Variants in NFU1 observed in about 807,000 individuals in gnomAD.
NFU1 encodes the protein NFU1 iron-sulfur cluster scaffold homolog, mitochondrial.
Under a neutral mutation model 32.2 loss-of-function variants are expected in NFU1, and 30 were observed. The observed-to-expected ratio is 0.93, with a 90% CI of 0.70 to 1.26. NFU1 has a LOEUF of 1.26. Among genes scored for constraint, NFU1 ranks in the 50% most tolerant of loss-of-function variants. The pLI, the probability that NFU1 is intolerant of heterozygous loss-of-function variation, is 0.00. For missense variants in NFU1, 306 were observed against 306.6 expected, an observed-to-expected ratio of 1.00 and a Z score of 0.02; for synonymous variants, 112 against 104.6, an observed-to-expected ratio of 1.07 and a Z score of -0.43.
intron 3 of NFU1, among the ~76,000 whole-genome samples, chr2:69,421,956 A>T (rs1474349792): frequency 6.6e-6 from 1 of 152,150 alleles, no homozygotes; most frequent in Non-Finnish European, 1.5e-5. Context: ...TACACATAGT[A>T]TTGAACCCTG....
intron 3 of NFU1, among the ~76,000 whole-genome samples, chr2:69,420,739 T>C (rs1240636206): frequency 6.6e-6 from 1 of 152,190 alleles, no homozygotes; most frequent in African/African-American, 2.4e-5. Flanking sequence ...TGTGGAATCA[T>C]GTATGTAGTG....
chr2:69,410,936 A>G (rs1672858823), intron 5 of NFU1: 1 of 152,214 alleles, frequency 6.6e-6, no homozygotes, highest in Non-Finnish European at 1.5e-5. Flanking sequence ...GCAGACTACC[A>G]GAAAGTTTTT....
intron 3 of NFU1, among the ~76,000 whole-genome samples, chr2:69,421,760 G>C (rs575790423): frequency 6.6e-6 from 1 of 151,584 alleles, no homozygotes; most frequent in Admixed American, 6.6e-5. Context: ...GTAGAGATGG[G>C]GTTTCACTGT....
At chr2:69,424,464 T>G (rs928180450) in intron 2 of NFU1, among the ~76,000 whole-genome samples, 4 of 151,622 alleles carry the variant, frequency 2.6e-5, no homozygotes, top group Non-Finnish European at 5.9e-5. Flanking sequence ...AATATTTGTA[T>G]TTTTTTGCAG....
intron 5 of NFU1, among the ~76,000 whole-genome samples, chr2:69,408,262 TG>T (rs1332089597): frequency 2.0e-5 from 3 of 152,200 alleles, no homozygotes; most frequent in Non-Finnish European, 4.4e-5. Context: ...TAATATATCT[TG>T]AAGGTCTTTC....
chr2:69,437,257 G>T, intron 1 of NFU1, 104 bp downstream of exon 1: 1 of 1,514,868 alleles, frequency 6.6e-7, no homozygotes. Context: ...GGCTCCATCA[G>T]ATGCACTACC....
downstream of NFU1, chr2:69,396,095 T>C (rs1486158313): frequency 1.2e-5 from 8 of 643,900 alleles, no homozygotes; most frequent in Middle Eastern, 4.3e-4. Context: ...AAATAACTCA[T>C]ATGAGGTAAA....
intron 4 of NFU1, 82 bp downstream of exon 4, chr2:69,419,456 G>A (rs1673169013): frequency 2.8e-6 from 2 of 715,616 alleles, no homozygotes; most frequent in Non-Finnish European, 4.9e-6. Context: ...CAGAAAGAAT[G>A]GAAATGTTGG....
At chr2:69,404,519 T>C (rs1018376819) in intron 6 of NFU1, among the ~76,000 whole-genome samples, 5 of 150,438 alleles carry the variant, frequency 3.3e-5, no homozygotes, top group African/African-American at 1.2e-4. Context: ...CACCATGGAA[T>C]GGCTAAATCA....
chr2:69,419,548 G>A lies in NFU1; in HGVS notation c.359C>T (p.Thr120Ile). The A allele has an allele frequency of 6.3e-7, 1 of 1,576,572 alleles. No homozygotes were observed. The highest frequency in any genetic ancestry group is 8.7e-7 in the Non-Finnish European group (1 of 1,147,382). ...TAATCCTATGTTTACCTTTGTGACAGTGATGAAATCTGGTCCAAAGAAGAC... is the reference window on the plus strand; with the variant it reads ...TAATCCTATGTTTACCTTTGTGACAATGATGAAATCTGGTCCAAAGAAGAC... ...KSVFFGPDFI[T>I]VTKENEELDW... Residue 120 changes from threonine (T) to isoleucine (I), a missense_variant, in exon 4 of 8, where the codon ACT becomes ATT. Coordinates refer to ENST00000410022, the MANE Select transcript of NFU1 (RefSeq NM_001002755.4).
chr2:69,408,683 G>A (rs1261070981), intron 5 of NFU1, among the ~76,000 whole-genome samples: 1 of 146,152 alleles, frequency 6.8e-6, no homozygotes, highest in East Asian at 2.0e-4. Flanking sequence ...TCACGCCACT[G>A]CACTCCAGCC....
intron 2 of NFU1, among the ~76,000 whole-genome samples, chr2:69,426,792 G>A (rs985452087): frequency 6.6e-6 from 1 of 151,910 alleles, no homozygotes; most frequent in Admixed American, 6.6e-5. Context: ...CATAATGAAG[G>A]GGGCAGTGGC....
rs566602696 is a variant in NFU1, at chr2:69,397,722, G to A, written c.721-1432C>T. 9.2e-5 allele frequency among the ~76,000 whole-genome samples: 14 copies of A among 151,802 alleles called. No homozygotes were observed. The South Asian group carries it at 1.5e-3, about 16-fold the overall frequency. On this transcript the variant is annotated intron_variant, in intron 7 of 7. Coordinates refer to ENST00000410022, the MANE Select transcript of NFU1 (RefSeq NM_001002755.4). ...GAGGTCAAGAGTTCAAGACCAGCCC[G>A]GTCAACATGGCGAAACCCCCATCTC... is the stretch of plus-strand genomic sequence containing the variant.
intron 5 of NFU1, among the ~76,000 whole-genome samples, chr2:69,407,283 G>A (rs1360265579): frequency 6.6e-6 from 1 of 152,092 alleles, no homozygotes; most frequent in Non-Finnish European, 1.5e-5. Context: ...TGAGCACAAA[G>A]TTAGCCTTTG....
At chr2:69,437,603 C>T (rs1416094031), upstream of NFU1, 138 of 734,344 alleles carry the variant, frequency 1.9e-4, no homozygotes, top group Non-Finnish European at 2.4e-5. Flanking sequence ...GTCACCCTGA[C>T]CAAGAGAGGC....
At chr2:69,397,514 G>A (rs1378826965) in intron 7 of NFU1, among the ~76,000 whole-genome samples, 1 of 151,798 alleles carries the variant, frequency 6.6e-6, no homozygotes, top group African/African-American at 2.4e-5. Context: ...CCCTACCCTG[G>A]ACAATTGAAT....
chr2:69,427,080 G>C (rs1317978802), intron 2 of NFU1, among the ~76,000 whole-genome samples: 1 of 135,684 alleles, frequency 7.4e-6, no homozygotes, highest in Non-Finnish European at 1.6e-5. Flanking sequence ...AAGAAAGAAA[G>C]AAAGAAAAGA....
At chr2:69,400,310 CAAAGAA>C (rs777907246) in intron 7 of NFU1, 48 bp downstream of exon 7, 4 of 1,510,736 alleles carry the variant, frequency 2.6e-6, no homozygotes, top group Non-Finnish European at 3.7e-6. Flanking sequence ...TTTGTATCTA[CAAAGAA>C]AAAGAAAAAA....
chr2:69,414,738 C>T (rs1189682815), intron 5 of NFU1, among the ~76,000 whole-genome samples: 2 of 151,706 alleles, frequency 1.3e-5, no homozygotes, highest in East Asian at 3.9e-4. Context: ...TCACACATCT[C>T]TGGAACTAGG....
Sources: allele counts gnomAD v4.1 joint callset (sites outside exome capture counted in the v4.1 genomes callset), GRCh38; gene constraint gnomAD v4.1.1; transcripts MANE v1.5; gene names NCBI Gene and HGNC (gene_info 2026-07-23, HGNC 2026-07-21).